Variants in DCHS2 observed in about 807,000 individuals in gnomAD.
The protein encoded by DCHS2 is protocadherin-23.
In DCHS2, 142 loss-of-function variants were observed where a neutral mutation model predicts 182.4. The ratio of observed to expected loss-of-function variants is 0.78; its 90% CI spans 0.68 to 0.89. The LOEUF (loss-of-function observed/expected upper bound fraction) is 0.89. Among genes scored for constraint, DCHS2 ranks in the 40% least tolerant of loss-of-function variants. DCHS2 has a pLI of 0.00. For synonymous variants in DCHS2, 1,740 were observed against 1,663.3 expected, an observed-to-expected ratio of 1.05 and a Z score of -1.12; for missense variants, 4,319 against 4,198.6, an observed-to-expected ratio of 1.03 and a Z score of -0.79.
intron 10 of DCHS2, among the ~76,000 whole-genome samples, chr4:154,312,147 A>G (rs965498742): frequency 1.3e-5 from 2 of 152,180 alleles, no homozygotes; most frequent in South Asian, 4.1e-4. Flanking sequence ...CAAATGTTCC[A>G]TAGCTTTGGA....
chr4:154,260,657 C>A (rs2111173781), intron 14 of DCHS2, among the ~76,000 whole-genome samples: 1 of 152,338 alleles, frequency 6.6e-6, no homozygotes, highest in South Asian at 2.1e-4. Context: ...ATCACCATCC[C>A]TGTACCATCA....
intron 4 of DCHS2, chr4:154,334,654 TA>T (rs1168952555): frequency 3.7e-6 from 2 of 533,692 alleles, no homozygotes; most frequent in Non-Finnish European, 6.6e-6. Context: ...ACATTCTTTT[TA>T]AAATGCCTAT....
intron 1 of DCHS2, among the ~76,000 whole-genome samples, chr4:154,389,516 T>TATATATATATA (rs1731575119): frequency 2.7e-5 from 3 of 111,132 alleles, no homozygotes; most frequent in African/African-American, 9.4e-5. Flanking sequence ...AAGACAAAGG[T>TATATATATATA]TATATATATA....
At chr4:154,398,251 T>C (rs1732014917) in intron 1 of DCHS2, among the ~76,000 whole-genome samples, 2 of 152,198 alleles carry the variant, frequency 1.3e-5, no homozygotes, top group African/African-American at 4.8e-5. Flanking sequence ...CTCCATGCCC[T>C]TATAGGGGTA....
Position 154,316,361 on chromosome 4 carries a change from G to A in DCHS2, c.5021-374C>T, listed in dbSNP as rs1375816873. Among the ~76,000 whole-genome samples, 6 of 152,186 alleles carry A rather than the reference G, an allele frequency of 3.9e-5. No individual in the cohort carries two copies. In the East Asian group the frequency reaches 1.2e-3, roughly 29 times the overall value. Reference sequence around the variant, plus strand: ...CACATAACACCTCATGTATAAAAGCGACCAAGTTACAAAAATGTGGGTATG... The same window carrying A: ...CACATAACACCTCATGTATAAAAGCAACCAAGTTACAAAAATGTGGGTATG... On this transcript the variant is annotated intron_variant, in intron 9 of 19. Transcript: ENST00000357232.
Position 154,236,938 on chromosome 4 carries a change from A to C in DCHS2, c.7714T>G (p.Ser2572Ala), listed in dbSNP as rs111684589. 0.01 allele frequency: 16,625 copies of C among 1,614,088 alleles called. 110 individuals are homozygous for C. Among genetic ancestry groups the C allele is most frequent in the Non-Finnish European group, 0.013 (14,766 of 1,179,946 alleles). Residue 2572 changes from serine (S) to alanine (A), a missense_variant, in exon 20 of 20, where the codon TCA (serine) becomes GCA (alanine). Transcript: ENST00000357232. ...CGGGTCCAGTCATGGTCGATGTTTG[A>C]AAATGTAACAAGCGTGCTTCCAACC... is the stretch of plus-strand genomic sequence containing the variant. ...ALVGSTLVTF[S>A]NIDHDWTREN...
chr4:154,490,765 T>A lies in DCHS2; in HGVS notation c.591A>T (p.Gly197=), dbSNP rs534511146. ...RLPVAHDPDA[G]LFSTQGYTLV... ...GGGTGTAGCCCTGAGTGCTGAACAG[T>A]CCGGCGTCCGGATCGTGGGCAACTG... The change falls in exon 1 of 20, where the codon GGA becomes GGT. Residue 197 remains glycine (G), a synonymous_variant. Coordinates refer to ENST00000357232, the MANE Select transcript of DCHS2 (RefSeq NM_001358235.2). The A allele has an allele frequency of 6.4e-7, 1 of 1,551,504 alleles. No individual in the cohort carries two copies. The highest frequency in any genetic ancestry group is 2.4e-5 in the East Asian group (1 of 40,898).
intron 7 of DCHS2, among the ~76,000 whole-genome samples, chr4:154,327,240 C>G (rs1363821692): frequency 6.6e-6 from 1 of 152,150 alleles, no homozygotes; most frequent in African/African-American, 2.4e-5. Context: ...CACCGCAAAA[C>G]TTAGCTTCAT....
At chr4:154,312,835 C>G (rs1735717204) in intron 10 of DCHS2, among the ~76,000 whole-genome samples, 1 of 152,188 alleles carries the variant, frequency 6.6e-6, no homozygotes, top group Non-Finnish European at 1.5e-5. Context: ...TACAGAATGG[C>G]ACCTTATAAC....
intron 1 of DCHS2, among the ~76,000 whole-genome samples, chr4:154,441,566 AG>A (rs1734012346): frequency 1.7e-5 from 2 of 117,202 alleles, no homozygotes; most frequent in Non-Finnish European, 4.0e-5. Flanking sequence ...TTTTCAGAAA[AG>A]TTTTTTCCTA....
At chr4:154,405,823 C>T (rs933935482) in intron 1 of DCHS2, among the ~76,000 whole-genome samples, 1 of 152,182 alleles carries the variant, frequency 6.6e-6, no homozygotes, top group African/African-American at 2.4e-5. Flanking sequence ...GATGTTGGGT[C>T]ACACAGTTTC....
intron 3 of DCHS2, among the ~76,000 whole-genome samples, chr4:154,356,141 G>GTGGTA (rs1729852434): frequency 6.6e-6 from 1 of 152,074 alleles, no homozygotes; most frequent in African/African-American, 2.4e-5. Context: ...GTGGAAGACA[G>GTGGTA]TGGTATTCAT....
At chr4:154,300,078 G>C (rs1215865266) in intron 12 of DCHS2, among the ~76,000 whole-genome samples, 1 of 152,184 alleles carries the variant, frequency 6.6e-6, no homozygotes, top group Non-Finnish European at 1.5e-5. Flanking sequence ...TCTATGCAGA[G>C]GAAAGAGCCC....
chr4:154,484,652 G>A (rs1728513072), intron 1 of DCHS2, among the ~76,000 whole-genome samples: 1 of 152,188 alleles, frequency 6.6e-6, no homozygotes, highest in Non-Finnish European at 1.5e-5. Flanking sequence ...AAATAACCTG[G>A]CATTTGTAAA....
chr4:154,302,602 C>A (rs951318298), intron 12 of DCHS2, among the ~76,000 whole-genome samples: 3 of 151,944 alleles, frequency 2.0e-5, no homozygotes, highest in African/African-American at 7.3e-5. Context: ...TTTGCCAATC[C>A]AAGGTATGCT....
chr4:154,403,971 CT>C (rs1281315572), intron 1 of DCHS2, among the ~76,000 whole-genome samples: 1 of 152,072 alleles, frequency 6.6e-6, no homozygotes, highest in Non-Finnish European at 1.5e-5. Context: ...TCTTCCCTCT[CT>C]TTTTTTCTTG....
At chr4:154,334,614 T>C (rs1380381917) in intron 4 of DCHS2, 1 of 410,960 alleles carries the variant, frequency 2.4e-6, no homozygotes, top group East Asian at 4.4e-5. Flanking sequence ...GAGACATATA[T>C]TTTGTATATT....
chr4:154,446,386 T>C (rs1021368803), intron 1 of DCHS2, among the ~76,000 whole-genome samples: 1 of 152,210 alleles, frequency 6.6e-6, no homozygotes, highest in African/African-American at 2.4e-5. Flanking sequence ...TTGCTTTACA[T>C]AGAGTGAAGA....
Position 154,490,020 on chromosome 4 carries a change from C to G in DCHS2, c.1336G>C (p.Gly446Arg), listed in dbSNP as rs766901031. ...VARVSVSDADGDWEKEDEATG... is the reference protein window; with the variant it reads ...VARVSVSDADRDWEKEDEATG... Reference sequence around the variant, plus strand: ...GCCTCATCTTCCTTCTCCCAGTCACCGTCCGCGTCAGACACCGAGACGCGA... The same window carrying G: ...GCCTCATCTTCCTTCTCCCAGTCACGGTCCGCGTCAGACACCGAGACGCGA... The change falls in exon 1 of 20, where the codon GGT (glycine) becomes CGT (arginine). Residue 446 changes from glycine to arginine, a missense_variant. Physicochemically the swap from Gly to Arg is moderately radical, Grantham distance 125 (BLOSUM62 -2). Coordinates refer to ENST00000357232, the MANE Select transcript of DCHS2 (RefSeq NM_001358235.2). The G allele has an allele frequency of 3.2e-6, 5 of 1,548,072 alleles. No individual in the cohort carries two copies. Among genetic ancestry groups the G allele is most frequent in the African/African-American group, 1.4e-5 (1 of 73,160 alleles).
Sources: allele counts gnomAD v4.1 joint callset (sites outside exome capture counted in the v4.1 genomes callset), GRCh38; gene constraint gnomAD v4.1.1; transcripts MANE v1.5; gene names NCBI Gene and HGNC (gene_info 2026-07-23, HGNC 2026-07-21).